Variants in CACNA1C observed in about 807,000 individuals in gnomAD.
CACNA1C encodes calcium voltage-gated channel subunit alpha1 C, also known as voltage-dependent L-type calcium channel subunit alpha-1C.
CACNA1C carries 30 observed loss-of-function variants against 229.0 expected under a neutral mutation model. The observed-to-expected ratio is 0.13, with a 90% CI of 0.10 to 0.18. The LOEUF is 0.18. Ranked by LOEUF, CACNA1C falls within the 10% of genes least tolerant of loss-of-function variation. The probability of loss-of-function intolerance (pLI) is 1.00; values close to 1 mark genes in which losing one functional copy is unlikely to be tolerated. For synonymous variants in CACNA1C, 1,114 were observed against 1,132.5 expected (o/e 0.98, Z 0.33); for missense variants, 1,658 against 2,845.0 (o/e 0.58, Z 9.49).
In CACNA1C at chr12:2,604,483, C is replaced by T. The variant is rs1002999489; in HGVS notation, c.2961-598C>T. On this transcript the variant is annotated intron_variant, in intron 22 of 46. Coordinates refer to ENST00000399655, the MANE Select transcript of CACNA1C (RefSeq NM_000719.7). ...AGAAATCTCCTCCCCATGACATCACCTCCAGCCACAAGGCCCGAGATCCCA... is the reference window on the plus strand; with the variant it reads ...AGAAATCTCCTCCCCATGACATCACTTCCAGCCACAAGGCCCGAGATCCCA... Among the ~76,000 whole-genome samples the T allele has an allele frequency of 2.0e-5, 3 of 151,294 alleles. No homozygotes were observed. In the South Asian group the frequency reaches 6.3e-4, roughly 32 times the overall value.
intron 3 of CACNA1C, among the ~76,000 whole-genome samples, chr12:2,190,150 C>A (rs1412131940): frequency 6.6e-6 from 1 of 152,200 alleles, no homozygotes; most frequent in Admixed American, 6.5e-5. Flanking sequence ...TGATGCGTTA[C>A]CAGGAAATGA....
intron 6 of CACNA1C, among the ~76,000 whole-genome samples, chr12:2,491,635 G>A (rs2099734774): frequency 6.8e-6 from 1 of 147,196 alleles, no homozygotes; most frequent in South Asian, 2.1e-4. Flanking sequence ...AGGAGAAGAA[G>A]GAGGAGGAGG....
intron 34 of CACNA1C, among the ~76,000 whole-genome samples, chr12:2,663,076 G>C (rs1285407923): frequency 6.6e-6 from 1 of 152,122 alleles, no homozygotes; most frequent in Non-Finnish European, 1.5e-5. Flanking sequence ...AATAGAGAAA[G>C]ATTTTTTAAA....
chr12:2,224,888 A>C (rs2062517579), intron 3 of CACNA1C, among the ~76,000 whole-genome samples: 1 of 152,144 alleles, frequency 6.6e-6, no homozygotes, highest in African/African-American at 2.4e-5. Context: ...ACGGTTATGT[A>C]CCTTAGCCAA....
rs1306450996 is a variant in CACNA1C, at chr12:2,550,564, T to C, written c.1481+531T>C. On this transcript the variant is annotated intron_variant, in intron 10 of 46. Transcript: ENST00000399655. ...GCCAGTAAGGGAAGCAGAAGTGCAG[T>C]GGAGCCTGCTGTTCTGTTGCCTTGG... 2.2e-6 allele frequency: 3 copies of C among 1,351,752 alleles called. No homozygotes were observed. The South Asian group carries it at 3.4e-5, about 15-fold the overall frequency. 83.7% of individuals were successfully genotyped at this position (1,351,752 alleles called of 1,614,324 possible). A position where few individuals can be genotyped will look rare whatever the true frequency, so the allele number is the denominator to read the frequency against.
chr12:2,127,229 C>A (rs2090463359), intron 3 of CACNA1C, among the ~76,000 whole-genome samples: 1 of 152,136 alleles, frequency 6.6e-6, no homozygotes, highest in African/African-American at 2.4e-5. Context: ...CGACATGGGG[C>A]CCTGCACTTG....
Position 2,648,638 on chromosome 12 carries a change from C to T in CACNA1C, c.3945+131C>T, listed in dbSNP as rs918550620. 6 of 775,490 alleles carry T rather than the reference C, an allele frequency of 7.7e-6. No homozygotes were observed. The African/African-American group carries it at 1.0e-4, about 13-fold the overall frequency. The allele number at this position is 775,490 out of a possible 1,614,324, so 48.0% of individuals were successfully genotyped here. A position where few individuals can be genotyped will look rare whatever the true frequency, so the allele number is the denominator to read the frequency against. On this transcript the variant is annotated intron_variant, in intron 31 of 46. Coordinates refer to ENST00000399655, the MANE Select transcript of CACNA1C (RefSeq NM_000719.7). Reference sequence around the variant, plus strand: ...TCACTGCATGTGGCCACTGTGTCTGCCGTGTGCCTTGCCTGCCTGTTCCCT... The same window carrying T: ...TCACTGCATGTGGCCACTGTGTCTGTCGTGTGCCTTGCCTGCCTGTTCCCT...
chr12:2,376,981 T>C (rs2098089626), intron 3 of CACNA1C, among the ~76,000 whole-genome samples: 1 of 152,158 alleles, frequency 6.6e-6, no homozygotes, highest in Admixed American at 6.5e-5. Context: ...GGCCACCTGC[T>C]GCTGCTGTTG....
At chr12:2,425,951 CTT>C (rs1439453075) in intron 3 of CACNA1C, among the ~76,000 whole-genome samples, 2 of 152,120 alleles carry the variant, frequency 1.3e-5, no homozygotes. Context: ...GGGTGTGCCT[CTT>C]TGGATTTCGT....
chr12:2,424,206 C>T (rs2099006309), intron 3 of CACNA1C, among the ~76,000 whole-genome samples: 1 of 152,198 alleles, frequency 6.6e-6, no homozygotes, highest in Admixed American at 6.5e-5. Flanking sequence ...CAGCAATTTG[C>T]AGGAAAGACC....
chr12:2,353,871 G>A (rs754266814), intron 3 of CACNA1C, among the ~76,000 whole-genome samples: 1 of 152,188 alleles, frequency 6.6e-6, no homozygotes, highest in East Asian at 1.9e-4. Flanking sequence ...GCGGCTGGGA[G>A]CACACCTTCT....
chr12:2,623,438 T>C (rs2153516321), intron 29 of CACNA1C, among the ~76,000 whole-genome samples: 1 of 152,204 alleles, frequency 6.6e-6, no homozygotes, highest in Admixed American at 6.5e-5. Context: ...CCACCCATGC[T>C]CTCACCTTTT....
At position 2,119,313 on chromosome 12, in the gene CACNA1C, C is replaced by T. The variant is rs149432660; in HGVS notation, c.372-1012C>T. Among the ~76,000 whole-genome samples, 727 of 152,352 alleles carry T rather than the reference C, an allele frequency of 4.8e-3. 5 individuals are homozygous for T. The highest frequency in any genetic ancestry group is 0.017 in the African/African-American group (703 of 41,586). ...CCTCTCTGTCTTCCTCCTCCTCCTC[C>T]TGTGAGACTCCATGAACTGGGCTGC... On this transcript the variant is annotated intron_variant, in intron 2 of 46. Coordinates refer to ENST00000399655, the MANE Select transcript of CACNA1C (RefSeq NM_000719.7).
intron 3 of CACNA1C, among the ~76,000 whole-genome samples, chr12:2,205,851 C>T (rs561901857): frequency 3.3e-5 from 5 of 152,252 alleles, no homozygotes; most frequent in Non-Finnish European, 5.9e-5. Flanking sequence ...CTTCCTGGCT[C>T]GTGGACATTT....
chr12:2,680,870 C>A (rs1198113508), intron 42 of CACNA1C, among the ~76,000 whole-genome samples: 1 of 152,234 alleles, frequency 6.6e-6, no homozygotes, highest in Non-Finnish European at 1.5e-5. Flanking sequence ...ATTCATGAGG[C>A]CTGCACTGCT....
chr12:2,333,430 C>T (rs2096607115), intron 3 of CACNA1C, among the ~76,000 whole-genome samples: 2 of 152,196 alleles, frequency 1.3e-5, no homozygotes, highest in Non-Finnish European at 2.9e-5. Context: ...GCTTCCTCCT[C>T]TCTGTTGTGA....
chr12:2,059,683 A>G, intron 1 of CACNA1C, among the ~76,000 whole-genome samples: 1 of 152,174 alleles, frequency 6.6e-6, no homozygotes, highest in East Asian at 1.9e-4. Context: ...CTCTTTGGGA[A>G]TTTACTTTCT....
intron 1 of CACNA1C, among the ~76,000 whole-genome samples, chr12:1,996,384 C>G (rs568354044): frequency 7.5e-4 from 114 of 152,044 alleles, no homozygotes; most frequent in Admixed American, 1.9e-3. Flanking sequence ...ATCTCCCTCA[C>G]TGTCCCTTTA....
intron 29 of CACNA1C, among the ~76,000 whole-genome samples, chr12:2,617,712 A>C (rs908480796): frequency 2.0e-5 from 3 of 152,144 alleles, no homozygotes; most frequent in Admixed American, 2.0e-4. Flanking sequence ...ATGTGGCTCA[A>C]ATGGAAGGGT....
Sources: allele counts gnomAD v4.1 joint callset (sites outside exome capture counted in the v4.1 genomes callset), GRCh38; gene constraint gnomAD v4.1.1; transcripts MANE v1.5; gene names NCBI Gene and HGNC (gene_info 2026-07-23, HGNC 2026-07-21).